The following NUP93 variants were observed in gnomAD, a reference collection of about 807,000 sequenced individuals.
NUP93 encodes nuclear pore complex protein Nup93.
NUP93 carries 55 observed loss-of-function variants against 107.8 expected under a neutral mutation model. That is an observed-to-expected ratio of 0.51 (90% CI 0.41 to 0.64). NUP93 has a LOEUF of 0.64. NUP93 is among the 30% of genes least tolerant of loss of function. The probability of loss-of-function intolerance (pLI) is 0.00; values close to 1 mark genes in which losing one functional copy is unlikely to be tolerated. For synonymous variants in NUP93, 390 were observed against 397.5 expected (o/e 0.98, Z 0.22); for missense variants, 937 against 1,044.7 (o/e 0.90, Z 1.42).
chr16:56,801,467 T>A (rs1303793471), intron 4 of NUP93, among the ~76,000 whole-genome samples: 2 of 152,122 alleles, frequency 1.3e-5, no homozygotes, highest in Non-Finnish European at 2.9e-5. Flanking sequence ...GGCTGGAGTG[T>A]AATGGTGTGA....
chr16:56,775,252 A>G (rs1596789445), intron 3 of NUP93, among the ~76,000 whole-genome samples: 1 of 152,182 alleles, frequency 6.6e-6, no homozygotes, highest in Non-Finnish European at 1.5e-5. Flanking sequence ...ACTTCACCAG[A>G]TTAAATGCTA....
intron 3 of NUP93, among the ~76,000 whole-genome samples, chr16:56,763,711 A>G (rs1245192535): frequency 6.6e-6 from 1 of 152,200 alleles, no homozygotes; most frequent in Non-Finnish European, 1.5e-5. Context: ...CTCCAAATAC[A>G]GTATATTGGC....
intron 3 of NUP93, among the ~76,000 whole-genome samples, chr16:56,768,724 T>A (rs199949848): frequency 1.5e-3 from 199 of 135,038 alleles, no homozygotes; most frequent in African/African-American, 5.2e-3. Flanking sequence ...AAAATTAGCC[T>A]GGTGTGGTGG....
rs735145 is a variant in NUP93 at position 56,850,169 on chromosome 16, G to C, written c.*5560G>C. On this transcript the variant is annotated 3_prime_UTR_variant, in exon 22 of 22. Transcript: ENST00000308159. ...GTGGGAGAAGGGAGAGGGTGGGAGA[G>C]CGTTGGTGGATGTGTTCTGCATGTT... The C allele has an allele frequency of 0.093, 14,222 of 152,222 alleles. 691 individuals carry two copies. Among genetic ancestry groups the C allele is most frequent in the East Asian group, 0.15 (769 of 5,186 alleles). 9.4% of individuals were successfully genotyped at this position (152,222 alleles called of 1,614,324 possible).
intron 6 of NUP93, among the ~76,000 whole-genome samples, chr16:56,821,113 A>G (rs1352613156): frequency 6.6e-6 from 1 of 152,212 alleles, no homozygotes; most frequent in Non-Finnish European, 1.5e-5. Context: ...CACTCCATCC[A>G]TGAACCCTAT....
rs893705058 is a variant in NUP93, at chr16:56,805,571, G to A, written c.428G>A (p.Arg143Gln). Reference sequence around the variant, plus strand: ...GTTGAGTGGGAGCAAGTGAAACAGCGAATTCTGCACACACTGCTGGCATCA... The same window carrying A: ...GTTGAGTGGGAGCAAGTGAAACAGCAAATTCTGCACACACTGCTGGCATCA... ...MLVEWEQVKQRILHTLLASGE... is the reference protein window; with the variant it reads ...MLVEWEQVKQQILHTLLASGE... The change falls in exon 5 of 22, where the codon CGA (arginine) becomes CAA (glutamine). Residue 143 changes from arginine (R) to glutamine (Q), a missense_variant. Physicochemically the swap from Arg to Gln is conservative, Grantham distance 43 (BLOSUM62 1). Coordinates refer to ENST00000308159, the MANE Select transcript of NUP93 (RefSeq NM_014669.5). The A allele has an allele frequency of 6.2e-7, 1 of 1,614,034 alleles. No homozygotes were observed. Among genetic ancestry groups the A allele is most frequent in the Non-Finnish European group, 8.5e-7 (1 of 1,179,988 alleles).
chr16:56,848,874 G>A lies in NUP93; in HGVS notation c.*4265G>A, dbSNP rs1282050574. The A allele has an allele frequency of 3.3e-5, 5 of 152,154 alleles. No individual in the cohort carries two copies. Among genetic ancestry groups the A allele is most frequent in the Non-Finnish European group, 7.3e-5 (5 of 68,042 alleles). 9.4% of individuals were successfully genotyped at this position (152,154 alleles called of 1,614,324 possible). ...CAGAGTTGTGCATAATTCTTTAAAA[G>A]TAGGCTCGTTTTTTTCGTTTTTTTG... On this transcript the variant is annotated 3_prime_UTR_variant, in exon 22 of 22. Transcript: ENST00000308159.
chr16:56,735,207 A>C (rs1353365780), intron 1 of NUP93, among the ~76,000 whole-genome samples: 2 of 152,190 alleles, frequency 1.3e-5, no homozygotes, highest in African/African-American at 4.8e-5. Context: ...GCTAATGTTT[A>C]TTGAGTGGTT....
rs760057496 is a variant in NUP93, at chr16:56,834,163, C to T, written c.1573C>T (p.Arg525Trp). 11 of 1,614,150 alleles carry T rather than the reference C, an allele frequency of 6.8e-6. No homozygotes were observed. The highest frequency in any genetic ancestry group is 6.7e-5 in the East Asian group (3 of 44,872). Reference protein sequence around the residue: ...HEPGDPPCLRRLNFVRLLMLY... With the variant: ...HEPGDPPCLRWLNFVRLLMLY... ...GCCTGGTGACCCTCCTTGCTTGCGG[C>T]GGCTGAACTTCGTGCGGCTCCTCAT... The change falls in exon 14 of 22, where the codon CGG (arginine) becomes TGG (tryptophan). Residue 525 changes from arginine (R) to tryptophan (W), a missense_variant. Coordinates refer to ENST00000308159, the MANE Select transcript of NUP93 (RefSeq NM_014669.5).
chr16:56,739,527 AC>A (rs1185216992), intron 1 of NUP93, among the ~76,000 whole-genome samples: 25 of 38,598 alleles, frequency 6.5e-4, no homozygotes, highest in Admixed American at 1.4e-3. Context: ...GGGGGGGCTG[AC>A]CCCCCCCCAC....
chr16:56,737,794 T>C lies in NUP93; in HGVS notation c.-15+7583T>C, dbSNP rs138527752. ...TGGGATAATTCTGTAAATGCAATGG[T>C]TTTAAAATTATAATGGTAGGGACCC... On this transcript the variant is annotated intron_variant, in intron 1 of 21. Coordinates refer to ENST00000308159, the MANE Select transcript of NUP93 (RefSeq NM_014669.5). Among the ~76,000 whole-genome samples the C allele has an allele frequency of 1.3e-5, 2 of 152,282 alleles. 1 individual carries two copies. The highest frequency in any genetic ancestry group is 1.3e-4 in the Admixed American group (2 of 15,300).
chr16:56,840,255 C>T (rs1963996701), intron 20 of NUP93, among the ~76,000 whole-genome samples: 1 of 152,160 alleles, frequency 6.6e-6, no homozygotes, highest in South Asian at 2.1e-4. Context: ...CTTCTGACCT[C>T]GTGATCTGCC....
At chr16:56,742,719 T>C (rs1416017421) in intron 1 of NUP93, among the ~76,000 whole-genome samples, 1 of 152,216 alleles carries the variant, frequency 6.6e-6, no homozygotes, top group Non-Finnish European at 1.5e-5. Context: ...GCTTCCTTTG[T>C]TTCATTTTCC....
chr16:56,779,939 T>C (rs1173283337), intron 3 of NUP93, among the ~76,000 whole-genome samples: 1 of 152,146 alleles, frequency 6.6e-6, no homozygotes, highest in East Asian at 1.9e-4. Context: ...CTTTGGGTTC[T>C]TTTCATCCCC....
intron 21 of NUP93, among the ~76,000 whole-genome samples, chr16:56,842,862 T>C (rs567242046): frequency 1.6e-4 from 24 of 152,290 alleles, no homozygotes; most frequent in Non-Finnish European, 3.1e-4. Context: ...CCCACAATAG[T>C]GTTTTTTAAA....
Position 56,834,253 on chromosome 16 carries a change from A to C in NUP93, c.1663A>C (p.Arg555=). Residue 555 remains arginine, a splice_region_variant and synonymous_variant, in exon 14 of 22, where the codon AGG becomes CGG. Coordinates refer to ENST00000308159, the MANE Select transcript of NUP93 (RefSeq NM_014669.5). Reference sequence around the variant, plus strand: ...GGCCCTCCAGTACTTCTATTTCCTCAGGTAACATTTGCTTTTGACCATTTA... The same window carrying C: ...GGCCCTCCAGTACTTCTATTTCCTCCGGTAACATTTGCTTTTGACCATTTA... ...REALQYFYFL[R]DEKDSQGENM... 6.2e-7 allele frequency: 1 copy of C among 1,614,018 alleles called. No homozygotes were observed. The highest frequency in any genetic ancestry group is 8.5e-7 in the Non-Finnish European group (1 of 1,179,886).
In NUP93 at chr16:56,748,239, G is replaced by A. The variant is rs1961855204; in HGVS notation, c.-9G>A. ...TCATTTTTTCTCCCATCTAGGATCT[G>A]CATCTCCAATGGATACTGAGGGGTT... On this transcript the variant is annotated 5_prime_UTR_variant, in exon 2 of 22. Transcript: ENST00000308159. The A allele has an allele frequency of 1.9e-6, 3 of 1,584,064 alleles. No homozygotes were observed. Among genetic ancestry groups the A allele is most frequent in the South Asian group, 1.1e-5 (1 of 88,830 alleles).
In NUP93 at chr16:56,823,804, G is replaced by A. The variant is rs370111038; in HGVS notation, c.752G>A (p.Arg251His). ...ALKNRSSVEV[R>H]MEFVRQALAY... is the part of the protein sequence containing the mutation. ...AAGAACCGCAGCAGCGTGGAAGTGC[G>A]CATGGAGTTTGTCAGGCAGGCCTTG... The change falls in exon 8 of 22, where the codon CGC becomes CAC. Residue 251 changes from arginine to histidine, a missense_variant. Transcript: ENST00000308159. 102 of 1,614,040 alleles carry A rather than the reference G, an allele frequency of 6.3e-5. No individual in the cohort carries two copies. The highest frequency in any genetic ancestry group is 8.9e-5 in the East Asian group (4 of 44,900).
At chr16:56,730,679 T>C (rs561869312) in intron 1 of NUP93, among the ~76,000 whole-genome samples, 1 of 152,178 alleles carries the variant, frequency 6.6e-6, no homozygotes, top group Non-Finnish European at 1.5e-5. Flanking sequence ...CGAGGGGAAC[T>C]TATCCCAACC....
Sources: gnomAD v4.1 joint callset for allele counts (sites outside exome capture counted in the v4.1 genomes callset) on GRCh38, gnomAD v4.1.1 for gene constraint, MANE v1.5 for transcripts, NCBI Gene and HGNC (gene_info 2026-07-23, HGNC 2026-07-21) for gene names.